P2RY12: variants seen among roughly 807,000 people sequenced by gnomAD.
P2RY12 encodes P2Y purinoceptor 12.
A neutral mutation model predicts 4.5 loss-of-function variants in P2RY12; 3 were observed. The observed-to-expected ratio is 0.67, with a 90% CI of 0.31 to 1.74. The LOEUF (loss-of-function observed/expected upper bound fraction) is 1.74. P2RY12 is among the 40% of genes most tolerant of loss of function. The probability of loss-of-function intolerance (pLI) is 0.09; values close to 1 mark genes in which losing one functional copy is unlikely to be tolerated. For synonymous variants in P2RY12, 148 were observed against 154.1 expected (o/e 0.96, Z 0.29); for missense variants, 356 against 407.8 (o/e 0.87, Z 1.09).
At chr3:151,376,334 C>G (rs2108065941) in intron 1 of P2RY12, 1 of 804,668 alleles carries the variant, frequency 1.2e-6, no homozygotes, top group South Asian at 3.2e-5. Context: ...ATTTTTATTC[C>G]CACACATTTT....
At chr3:151,345,096 T>A (rs1057133464) in intron 1 of P2RY12, among the ~76,000 whole-genome samples, 13 of 152,236 alleles carry the variant, frequency 8.5e-5, no homozygotes, top group South Asian at 2.1e-4. Context: ...AGTTTCTTCA[T>A]CTATTAAGTT....
intron 1 of P2RY12, among the ~76,000 whole-genome samples, chr3:151,341,169 A>C (rs920906573): frequency 2.0e-5 from 3 of 152,180 alleles, no homozygotes; most frequent in Non-Finnish European, 2.9e-5. Flanking sequence ...ATGTTAACTC[A>C]AAATGCGTGC....
chr3:151,373,187 T>C (rs1756399547), intron 1 of P2RY12, among the ~76,000 whole-genome samples: 1 of 152,176 alleles, frequency 6.6e-6, no homozygotes, highest in African/African-American at 2.4e-5. Context: ...TTTTATTAAT[T>C]GTCCCAGTAT....
At chr3:151,366,416 G>A (rs1755274085) in intron 1 of P2RY12, among the ~76,000 whole-genome samples, 1 of 152,194 alleles carries the variant, frequency 6.6e-6, no homozygotes, top group Non-Finnish European at 1.5e-5. Flanking sequence ...TACAAATAAA[G>A]GCTTTGTTGG....
intron 1 of P2RY12, among the ~76,000 whole-genome samples, chr3:151,368,679 CA>C: frequency 2.4e-5 from 1 of 41,902 alleles, no homozygotes; most frequent in Non-Finnish European, 4.8e-5. Context: ...CATTTCATGT[CA>C]TTTCATTTTA....
At chr3:151,379,435 A>G (rs1439497763) in intron 1 of P2RY12, among the ~76,000 whole-genome samples, 2 of 152,206 alleles carry the variant, frequency 1.3e-5, no homozygotes, top group Non-Finnish European at 2.9e-5. Context: ...CTAATTGAAG[A>G]CATTTTGTTA....
chr3:151,380,501 G>A (rs1486567888), intron 1 of P2RY12, among the ~76,000 whole-genome samples: 2 of 151,574 alleles, frequency 1.3e-5, no homozygotes, highest in Non-Finnish European at 2.9e-5. Flanking sequence ...GGAGGCCAAG[G>A]CAGGAGAATT....
chr3:151,339,136 A>G (rs1189814432), intron 2 of P2RY12, among the ~76,000 whole-genome samples: 2 of 152,102 alleles, frequency 1.3e-5, no homozygotes, highest in African/African-American at 4.8e-5. Context: ...CTTAAAGCAC[A>G]TTTTGTCTTA....
rs1711838812 is a variant in P2RY12, at chr3:151,379,436, C to A, written c.-180+5256G>T. On this transcript the variant is annotated intron_variant, in intron 1 of 2. Coordinates refer to ENST00000302632, the MANE Select transcript of P2RY12 (RefSeq NM_022788.5). The stretch of plus-strand genomic sequence containing the variant: ...TTGTTGATTATTCTCTAATTGAAGA[C>A]ATTTTGTTAAAATGCCAATTTAAAA... Among the ~76,000 whole-genome samples the A allele has an allele frequency of 3.3e-5, 5 of 152,312 alleles. No individual in the cohort carries two copies. In the South Asian group the frequency reaches 1.0e-3, roughly 32 times the overall value.
At chr3:151,364,921 G>C (rs1353486606) in intron 1 of P2RY12, 1 of 1,226,916 alleles carries the variant, frequency 8.2e-7, no homozygotes, top group Non-Finnish European at 1.2e-6. Flanking sequence ...AAGTGAAATA[G>C]TTTTCTAGTT....
rs183666747 is a variant in P2RY12, at chr3:151,349,956, C to G, written c.-179-9196G>C. 4 of 1,072,662 alleles carry G rather than the reference C, an allele frequency of 3.7e-6. No individual in the cohort carries two copies. The East Asian group carries it at 8.2e-5, about 22-fold the overall frequency. 66.4% of individuals were successfully genotyped at this position (1,072,662 alleles called of 1,614,324 possible). A position where few individuals can be genotyped will look rare whatever the true frequency, so the allele number is the denominator to read the frequency against. Reference sequence around the variant, plus strand: ...TGAAGGGAGGGCGGGATGCCACCACCGCAAGCCAGCATGGAGGTGCTGTGG... The same window carrying G: ...TGAAGGGAGGGCGGGATGCCACCACGGCAAGCCAGCATGGAGGTGCTGTGG... On this transcript the variant is annotated intron_variant, in intron 1 of 2. Transcript: ENST00000302632.
At chr3:151,383,044 T>G (rs1443288246) in intron 1 of P2RY12, among the ~76,000 whole-genome samples, 6 of 152,236 alleles carry the variant, frequency 3.9e-5, no homozygotes, top group Non-Finnish European at 5.9e-5. Flanking sequence ...CTGAGAAGAC[T>G]GTTATAAGTG....
At chr3:151,342,388 T>C (rs1751973796) in intron 1 of P2RY12, among the ~76,000 whole-genome samples, 1 of 152,236 alleles carries the variant, frequency 6.6e-6, no homozygotes, top group African/African-American at 2.4e-5. Context: ...GCGTTTTGAG[T>C]ATTTGTCTAT....
At chr3:151,363,636 A>G (rs929199065) in intron 1 of P2RY12, among the ~76,000 whole-genome samples, 3 of 152,196 alleles carry the variant, frequency 2.0e-5, no homozygotes, top group African/African-American at 7.2e-5. Flanking sequence ...TAAGTTGTCT[A>G]CACAGAAAGA....
At position 151,355,872 on chromosome 3, in the gene P2RY12, A is replaced by G. The variant is rs200935232; in HGVS notation, c.-179-15112T>C. ...GATTATTTAGAATATTGGTCTTACA[A>G]TATTTTTGTTTTTATTTGCACAGAT... On this transcript the variant is annotated intron_variant, in intron 1 of 2. Coordinates refer to ENST00000302632, the MANE Select transcript of P2RY12 (RefSeq NM_022788.5). The G allele has an allele frequency of 2.2e-3, 3,580 of 1,591,302 alleles. 4 individuals carry two copies. Among genetic ancestry groups the G allele is most frequent in the Non-Finnish European group, 2.8e-3 (3,262 of 1,169,556 alleles).
At chr3:151,346,127 CT>C (rs1411094692) in intron 1 of P2RY12, among the ~76,000 whole-genome samples, 2 of 152,162 alleles carry the variant, frequency 1.3e-5, no homozygotes, top group African/African-American at 4.8e-5. Flanking sequence ...ATGATTTGAG[CT>C]TCTTAAGTGT....
intron 1 of P2RY12, among the ~76,000 whole-genome samples, chr3:151,351,934 C>G (rs909112494): frequency 6.6e-6 from 1 of 152,124 alleles, no homozygotes; most frequent in Non-Finnish European, 1.5e-5. Context: ...ACTCACAAAG[C>G]GAAAAACATT....
chr3:151,338,819 A>G lies in P2RY12; in HGVS notation c.27T>C (p.Ser9=). 1 of 1,613,864 alleles carries G rather than the reference A, an allele frequency of 6.2e-7. No homozygotes were observed. Among genetic ancestry groups the G allele is most frequent in the Non-Finnish European group, 8.5e-7 (1 of 1,179,860 alleles). The change falls in exon 3 of 3, where the codon TCT becomes TCC. Residue 9 remains serine (S), a synonymous_variant. Coordinates refer to ENST00000302632, the MANE Select transcript of P2RY12 (RefSeq NM_022788.5). Reference sequence around the variant, plus strand: ...TGCACAGACTGGTGTTACCAGGCGCAGAGGTGAGGTTGTCGACGGCTTGCA... The same window carrying G: ...TGCACAGACTGGTGTTACCAGGCGCGGAGGTGAGGTTGTCGACGGCTTGCA... MQAVDNLT[S]APGNTSLCTR...
At chr3:151,348,278 A>G (rs1349109319) in intron 1 of P2RY12, among the ~76,000 whole-genome samples, 3 of 146,316 alleles carry the variant, frequency 2.1e-5, no homozygotes, top group African/African-American at 5.0e-5. Flanking sequence ...TTCATTTTTC[A>G]TAATTTTATT....
Sources: gnomAD v4.1 joint callset for allele counts (sites outside exome capture counted in the v4.1 genomes callset) on GRCh38, gnomAD v4.1.1 for gene constraint, MANE v1.5 for transcripts, NCBI Gene and HGNC (gene_info 2026-07-23, HGNC 2026-07-21) for gene names.